Variants in TRMT9B observed in about 807,000 individuals in gnomAD.
TRMT9B encodes the protein tRNA methyltransferase 9B (putative).
A neutral mutation model predicts 11.5 loss-of-function variants in TRMT9B; 16 were observed. The observed-to-expected ratio is 1.39, with a 90% CI of 0.94 to 2.11. The LOEUF is 2.11. TRMT9B is among the 30% of genes most tolerant of loss of function. The pLI is 0.00. For missense variants in TRMT9B, 941 were observed against 553.8 expected, an observed-to-expected ratio of 1.70 and a Z score of -7.02; for synonymous variants, 274 against 192.4, an observed-to-expected ratio of 1.42 and a Z score of -3.51.
At chr8:13,015,006 C>T (rs1349585528) in intron 4 of TRMT9B, among the ~76,000 whole-genome samples, 2 of 151,676 alleles carry the variant, frequency 1.3e-5, no homozygotes, top group Non-Finnish European at 2.9e-5. Flanking sequence ...TTGCAGTGAG[C>T]CAAGATCATG....
chr8:12,982,233 C>T lies in TRMT9B; in HGVS notation c.-199-8601C>T, dbSNP rs563473289. On this transcript the variant is annotated intron_variant, in intron 1 of 4. Transcript: ENST00000524591. ...CCTGGACCAGGTGAGGACTTAACCC[C>T]AGGCAGAGGTGATAGGGAAGGGGCA... Among the ~76,000 whole-genome samples, 5 of 152,228 alleles carry T rather than the reference C, an allele frequency of 3.3e-5. No homozygotes were observed. The East Asian group carries it at 9.7e-4, about 29-fold the overall frequency.
rs947247055 is a variant in TRMT9B at position 13,029,420 on chromosome 8, A to G, written c.*7376A>G. 25 of 167,048 alleles carry G rather than the reference A, an allele frequency of 1.5e-4. No homozygotes were observed. Among genetic ancestry groups the G allele is most frequent in the African/African-American group, 6.0e-4 (25 of 41,472 alleles). 10.3% of individuals were successfully genotyped at this position (167,048 alleles called of 1,614,324 possible). On this transcript the variant is annotated 3_prime_UTR_variant, in exon 5 of 5. Transcript: ENST00000524591. ...AGTAGTTTTATTTGCATTAATCAAT[A>G]ATGTTCAGGATCTTTTTGTAGTAAG...
intron 1 of TRMT9B, among the ~76,000 whole-genome samples, chr8:12,947,696 C>T (rs1226212868): frequency 6.6e-6 from 1 of 152,228 alleles, no homozygotes; most frequent in Non-Finnish European, 1.5e-5. Flanking sequence ...AGGAAAAGAA[C>T]TTACGTGAAT....
At chr8:12,978,825 A>G (rs1804881457) in intron 1 of TRMT9B, among the ~76,000 whole-genome samples, 1 of 152,246 alleles carries the variant, frequency 6.6e-6, no homozygotes, top group African/African-American at 2.4e-5. Context: ...CGTGGAGTCC[A>G]GACTCCCTGG....
At chr8:12,960,452 C>G (rs1396743715) in intron 1 of TRMT9B, 2 of 152,176 alleles carry the variant, frequency 1.3e-5, no homozygotes, top group East Asian at 1.9e-4. Flanking sequence ...TGGACTGTAC[C>G]TGTATGGGTG....
chr8:12,963,178 A>G (rs1802362290), intron 1 of TRMT9B, among the ~76,000 whole-genome samples: 1 of 152,192 alleles, frequency 6.6e-6, no homozygotes, highest in Admixed American at 6.5e-5. Context: ...TCACTCCTGT[A>G]ATCCCAGCAC....
intron 1 of TRMT9B, among the ~76,000 whole-genome samples, chr8:12,982,255 G>A (rs761614304): frequency 6.6e-6 from 1 of 152,138 alleles, no homozygotes; most frequent in East Asian, 1.9e-4. Flanking sequence ...ATAGGGAAGG[G>A]GCAGGGTTAC....
intron 1 of TRMT9B, chr8:12,960,556 A>G (rs115467837): frequency 6.6e-6 from 1 of 152,244 alleles, no homozygotes; most frequent in African/African-American, 2.4e-5. Context: ...GGAAGCAACC[A>G]AGATGTCCTT....
At chr8:12,969,032 T>G (rs1585130508) in intron 1 of TRMT9B, among the ~76,000 whole-genome samples, 1 of 152,074 alleles carries the variant, frequency 6.6e-6, no homozygotes, top group African/African-American at 2.4e-5. Context: ...ATCAACATGG[T>G]GAAACCCCAT....
chr8:12,947,785 G>T lies in TRMT9B; in HGVS notation c.-200+1819G>T, dbSNP rs986199502. Among the ~76,000 whole-genome samples, 93 of 152,208 alleles carry T rather than the reference G, an allele frequency of 6.1e-4. 2 individuals are homozygous for T. The highest frequency in any genetic ancestry group is 7.3e-5 in the Non-Finnish European group (5 of 68,038). Reference sequence around the variant, plus strand: ...ATAAGCTGGAGAAATTTCATGCTTTGCTAGGCAACAGCCTTGTAGTCCACA... The same window carrying T: ...ATAAGCTGGAGAAATTTCATGCTTTTCTAGGCAACAGCCTTGTAGTCCACA... On this transcript the variant is annotated intron_variant, in intron 1 of 4. Coordinates refer to ENST00000524591, the MANE Select transcript of TRMT9B (RefSeq NM_020844.3).
At chr8:12,968,545 A>C (rs941119439) in intron 1 of TRMT9B, among the ~76,000 whole-genome samples, 3 of 152,208 alleles carry the variant, frequency 2.0e-5, no homozygotes, top group African/African-American at 7.2e-5. Flanking sequence ...ATTTTAATGG[A>C]ATGCAATCAG....
At chr8:12,952,430 T>C in intron 1 of TRMT9B, 1 of 304,464 alleles carries the variant, frequency 3.3e-6, no homozygotes, top group South Asian at 2.4e-5. Flanking sequence ...AGCCTTGCAA[T>C]ACGATCAAAA....
chr8:12,993,953 G>A (rs1012847787), intron 2 of TRMT9B, among the ~76,000 whole-genome samples: 13 of 152,318 alleles, frequency 8.5e-5, no homozygotes, highest in African/African-American at 2.9e-4. Context: ...TACAACTTGG[G>A]ATGAGGCATG....
At chr8:13,006,596 G>A in intron 3 of TRMT9B, 1 of 1,402,088 alleles carries the variant, frequency 7.1e-7, no homozygotes, top group Non-Finnish European at 9.2e-7. Context: ...CCAGTACCTA[G>A]AATATTCATT....
intron 1 of TRMT9B, among the ~76,000 whole-genome samples, chr8:12,967,186 A>C (rs560914139): frequency 6.6e-6 from 1 of 152,234 alleles, no homozygotes; most frequent in East Asian, 1.9e-4. Flanking sequence ...TCTTTCTGAA[A>C]TGATCATCCA....
Position 13,023,234 on chromosome 8 carries a change from T to C in TRMT9B, c.*1190T>C, listed in dbSNP as rs750686921. ...TCAAGAACTAGGCATTTCTTCTGAG[T>C]TGACGGACTCTTTAGGAAAGGAGAA... On this transcript the variant is annotated 3_prime_UTR_variant, in exon 5 of 5. Coordinates refer to ENST00000524591, the MANE Select transcript of TRMT9B (RefSeq NM_020844.3). The C allele has an allele frequency of 6.0e-6, 1 of 167,090 alleles. No homozygotes were observed. The highest frequency in any genetic ancestry group is 1.5e-5 in the Non-Finnish European group (1 of 68,122). The allele number at this position is 167,090 out of a possible 1,614,324, so 10.4% of individuals were successfully genotyped here.
intron 1 of TRMT9B, among the ~76,000 whole-genome samples, chr8:12,973,918 G>C (rs902982849): frequency 2.0e-5 from 3 of 152,170 alleles, no homozygotes; most frequent in African/African-American, 7.2e-5. Context: ...CTAGTACTTT[G>C]GGAGGCTGAG....
chr8:12,992,418 G>A (rs1807521213), intron 2 of TRMT9B, among the ~76,000 whole-genome samples: 1 of 152,028 alleles, frequency 6.6e-6, no homozygotes, highest in Admixed American at 6.6e-5. Flanking sequence ...TCTTTGGGAG[G>A]CCTGGGTAGA....
intron 3 of TRMT9B, among the ~76,000 whole-genome samples, chr8:13,009,027 C>T (rs1054914876): frequency 6.6e-5 from 10 of 151,914 alleles, no homozygotes; most frequent in Admixed American, 3.3e-4. Context: ...CGCGCCCGGC[C>T]GGTAATTTTT....
Sources: allele counts gnomAD v4.1 joint callset (sites outside exome capture counted in the v4.1 genomes callset), GRCh38; gene constraint gnomAD v4.1.1; transcripts MANE v1.5; gene names NCBI Gene and HGNC (gene_info 2026-07-23, HGNC 2026-07-21).